Variants in PFKFB3 observed in about 807,000 individuals in gnomAD.
PFKFB3 encodes 6-phosphofructo-2-kinase/fructose-2,6-bisphosphatase 3.
PFKFB3 carries 33 observed loss-of-function variants against 68.0 expected under a neutral mutation model. That is an observed-to-expected ratio of 0.49 (90% CI 0.37 to 0.65). The LOEUF (loss-of-function observed/expected upper bound fraction) is 0.65, where lower values mean the gene tolerates loss of function less well. PFKFB3 is among the 30% of genes least tolerant of loss of function. The pLI is 0.00. For missense variants in PFKFB3, 586 were observed against 712.2 expected (o/e 0.82, Z 2.02); for synonymous variants, 315 against 288.2 (o/e 1.09, Z -0.94).
At chr10:6,240,659 A>G (rs998678701) in intron 14 of PFKFB3, among the ~76,000 whole-genome samples, 1 of 152,198 alleles carries the variant, frequency 6.6e-6, no homozygotes, top group Non-Finnish European at 1.5e-5. Flanking sequence ...ACATCTTACA[A>G]CAACATGGTA....
chr10:6,274,852 A>C, the PFKFB3 span, among the ~76,000 whole-genome samples: 1 of 151,992 alleles, frequency 6.6e-6, no homozygotes, highest in Non-Finnish European at 1.5e-5. Flanking sequence ...AAAACAAAAA[A>C]CAAAACTGCA....
chr10:6,260,771 G>A, the PFKFB3 span, among the ~76,000 whole-genome samples: 6 of 152,262 alleles, frequency 3.9e-5, no homozygotes, highest in African/African-American at 1.4e-4. Context: ...ATATACTACA[G>A]TTTATTTTCC....
downstream of PFKFB3, chr10:6,235,598 G>A (rs1845986983): frequency 6.6e-6 from 1 of 152,272 alleles, no homozygotes; most frequent in Non-Finnish European, 1.5e-5. Context: ...GTTTACGGCA[G>A]ATGCGCCACG....
At chr10:6,232,314 C>T (rs1439659369) in intron 14 of PFKFB3, among the ~76,000 whole-genome samples, 1 of 152,076 alleles carries the variant, frequency 6.6e-6, no homozygotes, top group Non-Finnish European at 1.5e-5. Context: ...CTGCGAGGGC[C>T]ACTGTGATCA....
At chr10:6,162,389 G>C (rs992096175) in intron 1 of PFKFB3, among the ~76,000 whole-genome samples, 1 of 152,146 alleles carries the variant, frequency 6.6e-6, no homozygotes, top group Non-Finnish European at 1.5e-5. Context: ...ATTCTTTGGG[G>C]TGTGTATATA....
At chr10:6,172,895 G>A (rs1429743246) in intron 1 of PFKFB3, among the ~76,000 whole-genome samples, 1 of 151,810 alleles carries the variant, frequency 6.6e-6, no homozygotes, top group Non-Finnish European at 1.5e-5. Flanking sequence ...TCCTGTGACT[G>A]CAGTGCTGGG....
At chr10:6,277,921 G>GTT in the PFKFB3 span, 127 of 155,614 alleles carry the variant, frequency 8.2e-4, no homozygotes, top group South Asian at 4.6e-3. Flanking sequence ...TGTATTAATA[G>GTT]TTTTTTTTTT....
At chr10:6,151,973 T>TAAAAA (rs71294421) in intron 1 of PFKFB3, among the ~76,000 whole-genome samples, 208 of 141,458 alleles carry the variant, frequency 1.5e-3, no homozygotes, top group Admixed American at 2.6e-3. Flanking sequence ...ACTGGGGAGC[T>TAAAAA]AAAAAAAAAA....
intron 1 of PFKFB3, chr10:6,163,912 A>G (rs611835): frequency 0.63 from 95,399 of 152,118 alleles, 32,209 homozygotes; most frequent in Non-Finnish European, 0.77. Flanking sequence ...TGGGCCCCCT[A>G]CGCTCTGGGG....
At chr10:6,159,096 T>C (rs937230832) in intron 1 of PFKFB3, among the ~76,000 whole-genome samples, 5 of 152,066 alleles carry the variant, frequency 3.3e-5, no homozygotes, top group Non-Finnish European at 5.9e-5. Flanking sequence ...TGATGACTAT[T>C]AAAAAATCCC....
the PFKFB3 span, among the ~76,000 whole-genome samples, chr10:6,292,658 G>A: frequency 1.3e-5 from 2 of 151,434 alleles, no homozygotes; most frequent in Non-Finnish European, 2.9e-5. Flanking sequence ...AAACTATCAA[G>A]GGCAATCATT....
chr10:6,165,181 C>T (rs543906959), intron 1 of PFKFB3, among the ~76,000 whole-genome samples: 3 of 152,276 alleles, frequency 2.0e-5, no homozygotes, highest in South Asian at 2.1e-4. Flanking sequence ...TGCATGGTGT[C>T]CCTGGTTAAT....
intron 14 of PFKFB3, among the ~76,000 whole-genome samples, chr10:6,244,105 C>A (rs1846200462): frequency 6.6e-6 from 1 of 152,198 alleles, no homozygotes. Context: ...AGCAATCCTT[C>A]CACAGCCTCT....
the PFKFB3 span, among the ~76,000 whole-genome samples, chr10:6,306,455 G>A: frequency 1.3e-5 from 2 of 152,230 alleles, no homozygotes; most frequent in African/African-American, 2.4e-5. Context: ...GCCTCTCTCT[G>A]GGTTTGTGGG....
chr10:6,185,891 C>T (rs1232600882), intron 1 of PFKFB3, among the ~76,000 whole-genome samples: 3 of 152,146 alleles, frequency 2.0e-5, no homozygotes, highest in Non-Finnish European at 4.4e-5. Context: ...CCACCTGCCT[C>T]AGCCTCCCAA....
intron 14 of PFKFB3, among the ~76,000 whole-genome samples, chr10:6,250,928 C>G (rs573082696): frequency 7.2e-5 from 11 of 152,298 alleles, no homozygotes; most frequent in Non-Finnish European, 1.5e-4. Context: ...CGCTTCTTAA[C>G]TTAGCCGCAC....
intron 1 of PFKFB3, among the ~76,000 whole-genome samples, chr10:6,183,845 G>A (rs547898913): frequency 2.7e-4 from 41 of 151,002 alleles, no homozygotes; most frequent in East Asian, 1.6e-3. Context: ...CTGCCACCAC[G>A]CCCGGCTAAT....
chr10:6,170,346 C>G (rs1398485593), intron 1 of PFKFB3, among the ~76,000 whole-genome samples: 8 of 152,208 alleles, frequency 5.3e-5, no homozygotes, highest in Non-Finnish European at 1.5e-5. Flanking sequence ...ACCTTCTAGA[C>G]TCACTCGTTC....
intron 14 of PFKFB3, among the ~76,000 whole-genome samples, chr10:6,232,221 C>T (rs916681442): frequency 7.2e-6 from 1 of 138,476 alleles, no homozygotes; most frequent in African/African-American, 2.8e-5. Context: ...TTGTGTTCCT[C>T]GCTGATTTTG....
Sources: allele counts gnomAD v4.1 joint callset (sites outside exome capture counted in the v4.1 genomes callset), GRCh38; gene constraint gnomAD v4.1.1; transcripts MANE v1.5; gene names NCBI Gene and HGNC (gene_info 2026-07-23, HGNC 2026-07-21).